The following DHRS12 variants were observed in gnomAD, a reference collection of about 807,000 sequenced individuals.
The protein encoded by DHRS12 is dehydrogenase/reductase SDR family member 12.
Under a neutral mutation model 32.1 loss-of-function variants are expected in DHRS12, and 29 were observed. The observed-to-expected ratio is 0.90, with a 90% CI of 0.67 to 1.23. The LOEUF (loss-of-function observed/expected upper bound fraction) is 1.23. Among genes scored for constraint, DHRS12 ranks in the 50% most tolerant of loss-of-function variants. DHRS12 has a pLI of 0.00. For synonymous variants in DHRS12, 150 were observed against 135.9 expected (o/e 1.10, Z -0.72); for missense variants, 330 against 337.2 (o/e 0.98, Z 0.17).
intron 8 of DHRS12, chr13:51,768,670 C>G: frequency 1.8e-6 from 2 of 1,128,232 alleles, no homozygotes; most frequent in South Asian, 5.6e-5. Flanking sequence ...GGCTTCCACC[C>G]GAGGTCAAGT....
intron 2 of DHRS12, among the ~76,000 whole-genome samples, chr13:51,792,256 C>T (rs1955308151): frequency 6.6e-6 from 1 of 152,164 alleles, no homozygotes; most frequent in African/African-American, 2.4e-5. Context: ...ACCTAACAAA[C>T]ATTTTTTGTT....
chr13:51,767,858 A>AG (rs1555269069), downstream of DHRS12: 101 of 321,702 alleles, frequency 3.1e-4, no homozygotes, highest in Admixed American at 1.5e-4. Context: ...TGGAGTTCAC[A>AG]GGGGGGCATT....
In DHRS12 at chr13:51,791,185, C is replaced by A; in HGVS notation, c.199G>T (p.Glu67Ter). 2 of 1,582,980 alleles carry A rather than the reference C, an allele frequency of 1.3e-6. No homozygotes were observed. The highest frequency in any genetic ancestry group is 1.8e-5 in the Admixed American group (1 of 56,428). Residue 67 changes from glutamate (E) to a stop codon, truncating the protein, a stop_gained, in exon 3 of 9, where the codon GAA (glutamate) becomes TAA (stop). Transcript: ENST00000444610. LOFTEE classifies it high-confidence loss of function. ...IWKFVENFKQ[E>*]HKLHVLINNA... ...CTCACCAGAACATGGAGTTTATGTT[C>A]CTGCTTGAAATTTTCAACAAATTTC...
intron 8 of DHRS12, chr13:51,768,588 G>C (rs951974447): frequency 4.0e-6 from 5 of 1,247,398 alleles, no homozygotes; most frequent in African/African-American, 1.5e-5. Context: ...GGGGTCACCA[G>C]CGCTTCAGAA....
At chr13:51,777,280 C>G (rs1954478463) in intron 4 of DHRS12, 159 bp from the exon 5 acceptor site, 1 of 682,934 alleles carries the variant, frequency 1.5e-6, no homozygotes, top group Non-Finnish European at 2.5e-6. Flanking sequence ...TCCTTCAAGC[C>G]AAATGTTCCT....
At chr13:51,758,362 C>T in the DHRS12 span, 1 of 1,267,704 alleles carries the variant, frequency 7.9e-7, no homozygotes, top group Non-Finnish European at 1.1e-6. Context: ...TACAGGAGCA[C>T]CAAGAACATG....
At chr13:51,796,696 C>T (rs1182294200) in intron 2 of DHRS12, among the ~76,000 whole-genome samples, 2 of 152,196 alleles carry the variant, frequency 1.3e-5, no homozygotes, top group South Asian at 4.1e-4. Flanking sequence ...CTTGTTGCAT[C>T]CTGCAGCAGC....
chr13:51,766,402 CAT>C (rs1179343278), downstream of DHRS12: 1 of 152,204 alleles, frequency 6.6e-6, no homozygotes, highest in Admixed American at 6.5e-5. Context: ...CTGCAGTGGG[CAT>C]ATTACCGTAT....
intron 7 of DHRS12, chr13:51,771,494 GT>G (rs995391349): frequency 1.2e-6 from 2 of 1,614,022 alleles, no homozygotes; most frequent in Non-Finnish European, 1.7e-6. Flanking sequence ...GCTCATTCCT[GT>G]CTGACGTGGA....
At chr13:51,774,075 G>A (rs1294264948) in intron 5 of DHRS12, 41 bp from the exon 6 acceptor site, 2 of 1,584,504 alleles carry the variant, frequency 1.3e-6, no homozygotes, top group Non-Finnish European at 8.7e-7. Context: ...TAAAGCCTGT[G>A]ACCCCTTCCA....
At chr13:51,787,736 AATTAT>A (rs1394576073) in intron 4 of DHRS12, among the ~76,000 whole-genome samples, 11 of 125,336 alleles carry the variant, frequency 8.8e-5, no homozygotes, top group South Asian at 4.9e-4. Flanking sequence ...ATATACATAT[AATTAT>A]ATTATATATT....
chr13:51,769,280 C>A lies in DHRS12; in HGVS notation c.573G>T (p.Ala191=). 23 of 1,576,620 alleles carry A rather than the reference C, an allele frequency of 1.5e-5. No individual in the cohort carries two copies. The highest frequency in any genetic ancestry group is 1.9e-5 in the Non-Finnish European group (22 of 1,159,780). ...GWADTPGVRQ[A]MPGFHARFGD... Reference sequence around the variant, plus strand: ...CGAACCTGGCGTGGAACCCCGGCATCGCCTGCCTCACACCTGGGAGAAGGA... The same window carrying A: ...CGAACCTGGCGTGGAACCCCGGCATAGCCTGCCTCACACCTGGGAGAAGGA... The change falls in exon 8 of 9, where the codon GCG becomes GCT. Residue 191 remains alanine (A), a synonymous_variant. Coordinates refer to ENST00000444610, the MANE Select transcript of DHRS12 (RefSeq NM_001377533.1).
At chr13:51,778,461 A>G (rs1593525406) in intron 4 of DHRS12, among the ~76,000 whole-genome samples, 1 of 152,094 alleles carries the variant, frequency 6.6e-6, no homozygotes. Flanking sequence ...ACAGCTGTTA[A>G]CCTCCAGCCA....
intron 4 of DHRS12, among the ~76,000 whole-genome samples, chr13:51,787,724 A>T (rs1163420892): frequency 1.5e-5 from 2 of 132,632 alleles, no homozygotes; most frequent in East Asian, 4.2e-4. Context: ...TATATAAAAC[A>T]TATATACATA....
Position 51,768,165 on chromosome 13 carries a change from A to G in DHRS12, c.*22T>C. 5 of 1,536,092 alleles carry G rather than the reference A, an allele frequency of 3.3e-6. No individual in the cohort carries two copies. Among genetic ancestry groups the G allele is most frequent in the Non-Finnish European group, 4.4e-6 (5 of 1,146,886 alleles). ...TGGTATCTTCTAAGGCAATTCTGGT[A>G]CCGCACTGTGTCTGGGTTGGCCTAT... On this transcript the variant is annotated 3_prime_UTR_variant, in exon 9 of 9. Transcript: ENST00000444610.
At chr13:51,770,154 CTTTT>C (rs1438870106) in intron 7 of DHRS12, among the ~76,000 whole-genome samples, 2 of 152,188 alleles carry the variant, frequency 1.3e-5, no homozygotes, top group Non-Finnish European at 2.9e-5. Context: ...AAATAAACAT[CTTTT>C]TTTCTTTTCA....
In DHRS12 at chr13:51,790,042, T is replaced by A. The variant is rs754910990; in HGVS notation, c.270A>T (p.Gly90=). ...TATTGGCAGCAAAGTTTTTTTCAAG[T>A]CCATCTTCTGTGAGCTCTCTTTTAT... The part of the protein sequence containing the change: ...MVNKRELTED[G]LEKNFAANTL... The change falls in exon 4 of 9, where the codon GGA becomes GGT. Residue 90 remains glycine, a synonymous_variant. Coordinates refer to ENST00000444610, the MANE Select transcript of DHRS12 (RefSeq NM_001377533.1). 6 of 1,605,194 alleles carry A rather than the reference T, an allele frequency of 3.7e-6. No homozygotes were observed. The South Asian group carries it at 6.8e-5, about 18-fold the overall frequency.
At chr13:51,779,624 C>T (rs541513365) in intron 4 of DHRS12, among the ~76,000 whole-genome samples, 1 of 152,308 alleles carries the variant, frequency 6.6e-6, no homozygotes, top group East Asian at 1.9e-4. Flanking sequence ...AGTCCATGGA[C>T]AACAGTCCCA....
chr13:51,798,052 G>T, intron 2 of DHRS12: 3 of 790,436 alleles, frequency 3.8e-6, no homozygotes, highest in Non-Finnish European at 6.1e-6. Flanking sequence ...GTTAAGAGCA[G>T]CAAGGGCGAT....
Sources: gnomAD v4.1 joint callset for allele counts (sites outside exome capture counted in the v4.1 genomes callset) on GRCh38, gnomAD v4.1.1 for gene constraint, MANE v1.5 for transcripts, NCBI Gene and HGNC (gene_info 2026-07-23, HGNC 2026-07-21) for gene names.